The following SLC35E1 variants were observed in gnomAD, a reference collection of about 807,000 sequenced individuals.
The protein encoded by SLC35E1 is solute carrier family 35 member E1.
A neutral mutation model predicts 31.0 loss-of-function variants in SLC35E1; 12 were observed. The observed-to-expected ratio is 0.39, with a 90% CI of 0.25 to 0.63. The LOEUF (loss-of-function observed/expected upper bound fraction) is 0.63. Ranked by LOEUF, SLC35E1 falls within the 20% of genes least tolerant of loss-of-function variation. The probability of loss-of-function intolerance (pLI) is 0.52; values close to 1 mark genes in which losing one functional copy is unlikely to be tolerated. For missense variants in SLC35E1, 429 were observed against 572.2 expected (o/e 0.75, Z 2.55); for synonymous variants, 257 against 264.1 (o/e 0.97, Z 0.26).
rs529978073 is a variant in SLC35E1, at chr19:16,553,637, C to T, written c.*42G>A. The T allele has an allele frequency of 3.5e-5, 50 of 1,413,338 alleles. No individual in the cohort carries two copies. In the Middle Eastern group the frequency reaches 7.6e-4, roughly 22 times the overall value. The allele number at this position is 1,413,338 out of a possible 1,614,324, so 87.5% of individuals were successfully genotyped here. On this transcript the variant is annotated 3_prime_UTR_variant, in exon 6 of 6. Transcript: ENST00000595753. ...AAGTTTCTGATACTGCTGTGGGGGCCGGGGAAGGAGTCACCAACAGTCTGG... is the reference window on the plus strand; with the variant it reads ...AAGTTTCTGATACTGCTGTGGGGGCTGGGGAAGGAGTCACCAACAGTCTGG...
At chr19:16,559,463 T>TACACACACACAC (rs61643316) in intron 4 of SLC35E1, among the ~76,000 whole-genome samples, 5,554 of 142,290 alleles carry the variant, frequency 0.039, 297 homozygotes, top group African/African-American at 0.12. Flanking sequence ...CTACAAAAAA[T>TACACACACACAC]ACACACACAC....
intron 1 of SLC35E1, 25 bp downstream of exon 1, chr19:16,571,919 C>T (rs1040481950): frequency 3.7e-5 from 56 of 1,530,818 alleles, no homozygotes; most frequent in Non-Finnish European, 4.8e-5. Flanking sequence ...CGGCCGCCGC[C>T]CCCGAGGCCG....
At chr19:16,571,820 G>T in intron 1 of SLC35E1, 124 bp downstream of exon 1, 1 of 1,104,926 alleles carries the variant, frequency 9.1e-7, no homozygotes, top group Non-Finnish European at 1.3e-6. Context: ...CCAAACCCTT[G>T]GCAGCCCCTC....
intron 3 of SLC35E1, among the ~76,000 whole-genome samples, chr19:16,567,073 C>T (rs972396909): frequency 2.0e-5 from 3 of 152,188 alleles, no homozygotes; most frequent in East Asian, 3.8e-4. Context: ...ACATCACACA[C>T]GTGATTGTTT....
chr19:16,560,931 G>C (rs1485389651), intron 4 of SLC35E1, among the ~76,000 whole-genome samples: 2 of 143,992 alleles, frequency 1.4e-5, no homozygotes, highest in Admixed American at 1.4e-4. Context: ...TCCAGGTGTG[G>C]TGGCTCACGC....
intron 2 of SLC35E1, among the ~76,000 whole-genome samples, chr19:16,569,028 CTTTTT>C (rs946440031): frequency 1.4e-5 from 2 of 142,608 alleles, no homozygotes; most frequent in African/African-American, 5.1e-5. Context: ...TCCACTCACT[CTTTTT>C]TTTTTTTTTT....
chr19:16,571,550 G>T lies in SLC35E1; in HGVS notation c.454C>A (p.Leu152Met). 6.2e-7 allele frequency: 1 copy of T among 1,614,004 alleles called. No homozygotes were observed. Among genetic ancestry groups the T allele is most frequent in the Non-Finnish European group, 8.5e-7 (1 of 1,179,978 alleles). Residue 152 changes from leucine to methionine, a missense_variant, in exon 2 of 6, where the codon CTG becomes ATG. Leu to Met is a conservative substitution (Grantham distance 15). Coordinates refer to ENST00000595753, the MANE Select transcript of SLC35E1 (RefSeq NM_024881.5). ...KATMPIWVVLLSRIIMKEKQS... is the reference protein window; with the variant it reads ...KATMPIWVVLMSRIIMKEKQS... The stretch of plus-strand genomic sequence containing the variant: ...TTCTCCTTCATAATGATCCGGGACA[G>T]GAGGACCACCCAGATGGGCATGGTG...
intron 2 of SLC35E1, among the ~76,000 whole-genome samples, 158 bp downstream of exon 2, chr19:16,571,354 T>C (rs1269837813): frequency 6.6e-6 from 1 of 152,122 alleles, no homozygotes; most frequent in Non-Finnish European, 1.5e-5. Flanking sequence ...ATTCTAGAAC[T>C]TGAGTAGTAA....
chr19:16,566,464 T>A, intron 4 of SLC35E1, 68 bp downstream of exon 4: 4 of 1,600,664 alleles, frequency 2.5e-6, no homozygotes, highest in Non-Finnish European at 3.4e-6. Flanking sequence ...CAGCTACAGC[T>A]CCTCAACAAA....
rs371263460 is a variant in SLC35E1, at chr19:16,556,903, C to T, written c.757-1506G>A. ...GTCAACCAACTCAAGACTGGAACTC[C>T]CAAATGCAAATCCATTTACCTGTGC... On this transcript the variant is annotated intron_variant, in intron 4 of 5. Transcript: ENST00000595753. 2.1e-4 allele frequency: 101 copies of T among 471,612 alleles called. 1 individual carries two copies. Among genetic ancestry groups the T allele is most frequent in the African/African-American group, 1.8e-3 (89 of 50,198 alleles). 29.2% of individuals were successfully genotyped at this position (471,612 alleles called of 1,614,324 possible).
At chr19:16,558,275 C>T (rs938904430) in intron 4 of SLC35E1, among the ~76,000 whole-genome samples, 37 of 152,008 alleles carry the variant, frequency 2.4e-4, no homozygotes, top group Non-Finnish European at 4.1e-4. Context: ...AACTCCTGAC[C>T]TCAGGTGATC....
chr19:16,558,890 C>G (rs1049214144), intron 4 of SLC35E1, among the ~76,000 whole-genome samples: 1 of 151,568 alleles, frequency 6.6e-6, no homozygotes, highest in Non-Finnish European at 1.5e-5. Context: ...CTGCCTCAGC[C>G]TTCTGAGTAG....
chr19:16,564,507 C>G (rs549142025), intron 4 of SLC35E1, among the ~76,000 whole-genome samples: 80 of 152,032 alleles, frequency 5.3e-4, no homozygotes, highest in African/African-American at 1.9e-3. Context: ...GGTTTCACCA[C>G]GTTGGCCAGG....
Position 16,571,484 on chromosome 19 carries a change from T to C in SLC35E1, c.492+28A>G, listed in dbSNP as rs772897907. 24 of 1,612,536 alleles carry C rather than the reference T, an allele frequency of 1.5e-5. No homozygotes were observed. The South Asian group carries it at 2.2e-4, about 15-fold the overall frequency. On this transcript the variant is annotated intron_variant, in intron 2 of 5. Coordinates refer to ENST00000595753, the MANE Select transcript of SLC35E1 (RefSeq NM_024881.5). ...AGGGAGGAACCCCCTGGAGCTCCCA[T>C]CTGCCCAGAGTCCCTGCCCGGGGTT...
chr19:16,560,084 T>C (rs6512120), intron 4 of SLC35E1, among the ~76,000 whole-genome samples: 139,542 of 152,174 alleles, frequency 0.92, 64,217 homozygotes, highest in African/African-American at 0.98. Context: ...CTGTGCCGCC[T>C]GTGGTCAGTC....
rs893603643 is a variant in SLC35E1, at chr19:16,555,572, T to C, written c.757-175A>G. 8.9e-6 allele frequency: 7 copies of C among 783,782 alleles called. No homozygotes were observed. Among genetic ancestry groups the C allele is most frequent in the Admixed American group, 2.9e-5 (1 of 34,226 alleles). The allele number at this position is 783,782 out of a possible 1,614,324, so 48.6% of individuals were successfully genotyped here. On this transcript the variant is annotated intron_variant, in intron 4 of 5. Transcript: ENST00000595753. This position sits in a 1 kb window ranked among gnomAD's most constrained non-coding sequence, Gnocchi z 4.1. ...AGAGACACTAGGTGCTTTAGGTCCA[T>C]GACCTCAGAACCTCATGACACCACA...
chr19:16,571,710 G>T, intron 1 of SLC35E1, 128 bp from the exon 2 acceptor site: 1 of 1,036,880 alleles, frequency 9.6e-7, no homozygotes, highest in Non-Finnish European at 1.4e-6. Flanking sequence ...TTTCGGTAGG[G>T]CTTCCTCCTG....
chr19:16,555,161 G>A lies in SLC35E1; in HGVS notation c.993C>T (p.Leu331=), dbSNP rs770032094. The part of the protein sequence containing the change: ...GMMTAILGVF[L]YNKTKYDANQ... ...CCTCTCAGACTCTCACCTTGTTATA[G>A]AGGAAGACCCCCAGGATGGCGGTCA... The change falls in exon 5 of 6, where the codon CTC becomes CTT. Residue 331 remains leucine (L), a synonymous_variant. Coordinates refer to ENST00000595753, the MANE Select transcript of SLC35E1 (RefSeq NM_024881.5). This position sits in a 1 kb window ranked among gnomAD's most constrained non-coding sequence, Gnocchi z 4.1. The A allele has an allele frequency of 1.2e-6, 2 of 1,613,986 alleles. No homozygotes were observed. Among genetic ancestry groups the A allele is most frequent in the African/African-American group, 1.3e-5 (1 of 74,918 alleles).
intron 4 of SLC35E1, among the ~76,000 whole-genome samples, chr19:16,561,092 T>C (rs2122334704): frequency 6.7e-6 from 1 of 148,662 alleles, no homozygotes; most frequent in Non-Finnish European, 1.5e-5. Flanking sequence ...CATGTGCCTG[T>C]AATCCCAGCT....
Sources: gnomAD v4.1 joint callset for allele counts (sites outside exome capture counted in the v4.1 genomes callset) on GRCh38, gnomAD v4.1.1 for gene constraint, Gnocchi (gnomAD v3.1) non-coding constraint, MANE v1.5 for transcripts, NCBI Gene and HGNC (gene_info 2026-07-23, HGNC 2026-07-21) for gene names.